Variants in MYT1L observed in about 807,000 individuals in gnomAD.
MYT1L encodes the protein myelin transcription factor 1 like, also known as myelin transcription factor 1-like protein.
MYT1L carries 12 observed loss-of-function variants against 126.7 expected under a neutral mutation model. That is an observed-to-expected ratio of 0.09 (90% CI 0.06 to 0.15). MYT1L has a LOEUF of 0.15. Ranked by LOEUF, MYT1L falls within the 10% of genes least tolerant of loss-of-function variation. The pLI is 1.00. For synonymous variants in MYT1L, 541 were observed against 604.2 expected (o/e 0.90, Z 1.53); for missense variants, 979 against 1,585.2 (o/e 0.62, Z 6.49).
intron 3 of MYT1L, among the ~76,000 whole-genome samples, chr2:2,172,572 GCA>G (rs1458389164): frequency 6.6e-6 from 1 of 152,276 alleles, no homozygotes; most frequent in African/African-American, 2.4e-5. Flanking sequence ...AATGGGACAA[GCA>G]CCAGAGGAGG....
intron 4 of MYT1L, among the ~76,000 whole-genome samples, chr2:2,007,656 T>C (rs1243947755): frequency 3.3e-5 from 5 of 152,180 alleles, no homozygotes; most frequent in African/African-American, 4.8e-5. Context: ...GCCTAGGGAA[T>C]TGTGGTCCCA....
At chr2:2,113,333 A>G (rs2079740230) in intron 3 of MYT1L, among the ~76,000 whole-genome samples, 1 of 152,198 alleles carries the variant, frequency 6.6e-6, no homozygotes, top group African/African-American at 2.4e-5. Flanking sequence ...TGTATGATCC[A>G]GGTGCAAAAA....
At position 1,831,124 on chromosome 2, in the gene MYT1L, C is replaced by A. The variant is rs1179099703; in HGVS notation, c.3080+8025G>T. Among the ~76,000 whole-genome samples, 6 of 150,076 alleles carry A rather than the reference C, an allele frequency of 4.0e-5. No individual in the cohort carries two copies. The South Asian group carries it at 1.3e-3, about 31-fold the overall frequency. On this transcript the variant is annotated intron_variant, in intron 21 of 24. Transcript: ENST00000647738. ...CCCAGACACCACCACACCCTGCAAC[C>A]CCACTCGGGTGCCCGACGCGTGTGT...
At chr2:2,145,435 C>T (rs2084740269) in intron 3 of MYT1L, among the ~76,000 whole-genome samples, 1 of 152,124 alleles carries the variant, frequency 6.6e-6, no homozygotes, top group African/African-American at 2.4e-5. Flanking sequence ...TAAAAATAGT[C>T]CTGTCTCCAT....
intron 2 of MYT1L, among the ~76,000 whole-genome samples, chr2:2,283,157 T>C (rs1012625514): frequency 5.9e-5 from 9 of 152,214 alleles, no homozygotes; most frequent in Admixed American, 5.2e-4. Context: ...AACGGCACAG[T>C]TTGACCCATG....
chr2:2,244,125 T>C (rs2094487840), intron 2 of MYT1L, among the ~76,000 whole-genome samples: 2 of 152,228 alleles, frequency 1.3e-5, no homozygotes, highest in Admixed American at 1.3e-4. Context: ...TACTCAAACT[T>C]ATCAAAAGAT....
At chr2:1,877,018 A>T (rs2046995266) in intron 18 of MYT1L, among the ~76,000 whole-genome samples, 1 of 152,156 alleles carries the variant, frequency 6.6e-6, no homozygotes, top group South Asian at 2.1e-4. Flanking sequence ...AGAACACCAC[A>T]CAGTCAGTCC....
intron 3 of MYT1L, among the ~76,000 whole-genome samples, chr2:2,125,910 G>A (rs367626977): frequency 1.3e-5 from 2 of 152,116 alleles, no homozygotes; most frequent in Non-Finnish European, 2.9e-5. Context: ...CAACAATGCC[G>A]CAATGCAAGA....
chr2:1,897,235 T>C (rs576114091), intron 14 of MYT1L, among the ~76,000 whole-genome samples: 262 of 152,286 alleles, frequency 1.7e-3, no homozygotes, highest in African/African-American at 6.0e-3. Flanking sequence ...ATTATCCCTA[T>C]TTGTAAAATG....
At chr2:2,201,065 C>T (rs143768448) in intron 2 of MYT1L, among the ~76,000 whole-genome samples, 222 of 152,324 alleles carry the variant, frequency 1.5e-3, no homozygotes, top group Non-Finnish European at 2.0e-3. Context: ...GAGTTGCATT[C>T]TACACCAGGC....
rs972962026 is a variant in MYT1L, at chr2:2,331,211, C to G, written c.-765G>C. On this transcript the variant is annotated 5_prime_UTR_variant, in exon 1 of 25. Transcript: ENST00000647738. ...GCACCCACCAACAATGAGCAAAAAACCCGGGGTGCTTCAACAAGACTGCAG... is the reference window on the plus strand; with the variant it reads ...GCACCCACCAACAATGAGCAAAAAAGCCGGGGTGCTTCAACAAGACTGCAG... 2 of 152,072 alleles carry G rather than the reference C, an allele frequency of 1.3e-5. No individual in the cohort carries two copies. The highest frequency in any genetic ancestry group is 4.8e-5 in the African/African-American group (2 of 41,474). 9.4% of individuals were successfully genotyped at this position (152,072 alleles called of 1,614,324 possible).
At chr2:1,947,200 TG>T (rs1237522239) in intron 8 of MYT1L, among the ~76,000 whole-genome samples, 1 of 152,058 alleles carries the variant, frequency 6.6e-6, no homozygotes, top group Admixed American at 6.6e-5. Flanking sequence ...GTGAGGTGAC[TG>T]GGGGTAAGGT....
At chr2:2,168,055 A>G (rs1012590880) in intron 3 of MYT1L, among the ~76,000 whole-genome samples, 8 of 152,192 alleles carry the variant, frequency 5.3e-5, no homozygotes, top group Non-Finnish European at 1.2e-4. Flanking sequence ...TTATCCCTTC[A>G]CTTGCACCTA....
intron 2 of MYT1L, among the ~76,000 whole-genome samples, chr2:2,197,175 A>G (rs1256652014): frequency 1.3e-5 from 2 of 152,174 alleles, no homozygotes; most frequent in Non-Finnish European, 1.5e-5. Context: ...TGGCTGAGAA[A>G]TAGATATCTA....
intron 1 of MYT1L, chr2:2,325,623 C>G (rs938480126): frequency 2.6e-5 from 4 of 152,208 alleles, no homozygotes; most frequent in Non-Finnish European, 5.9e-5. Context: ...CATACCGTTT[C>G]ACTCTCTGCA....
At chr2:2,137,877 G>T (rs1056236355) in intron 3 of MYT1L, among the ~76,000 whole-genome samples, 2 of 152,080 alleles carry the variant, frequency 1.3e-5, no homozygotes, top group South Asian at 2.1e-4. Flanking sequence ...CACAGCAAAA[G>T]AAACTACCAT....
Position 1,889,621 on chromosome 2 carries a change from C to T in MYT1L, c.2284-144G>A. Reference sequence around the variant, plus strand: ...GCTGCTGTTTCCTTGGCCTAAACTCCCAAGGCGGACAGGCCTTGTCTGGTG... The same window carrying T: ...GCTGCTGTTTCCTTGGCCTAAACTCTCAAGGCGGACAGGCCTTGTCTGGTG... On this transcript the variant is annotated intron_variant, in intron 15 of 24. Coordinates refer to ENST00000647738, the MANE Select transcript of MYT1L (RefSeq NM_001303052.2). This position sits in a 1 kb window ranked among gnomAD's most constrained non-coding sequence, Gnocchi z 4.1. 1.6e-6 allele frequency: 1 copy of T among 625,720 alleles called. No homozygotes were observed. Among genetic ancestry groups the T allele is most frequent in the Non-Finnish European group, 2.6e-6 (1 of 385,554 alleles). 38.8% of individuals were successfully genotyped at this position (625,720 alleles called of 1,614,324 possible).
chr2:2,310,876 A>G (rs1420718451), intron 1 of MYT1L, among the ~76,000 whole-genome samples: 2 of 152,238 alleles, frequency 1.3e-5, no homozygotes, highest in South Asian at 4.1e-4. Context: ...TGAATGAAAG[A>G]AAAATTCCAT....
chr2:2,184,216 C>T (rs190775598), intron 2 of MYT1L, among the ~76,000 whole-genome samples: 1 of 152,142 alleles, frequency 6.6e-6, no homozygotes, highest in African/African-American at 2.4e-5. Context: ...ACTAATAAAT[C>T]ATACTGTTTC....
Sources: allele counts gnomAD v4.1 joint callset (sites outside exome capture counted in the v4.1 genomes callset), GRCh38; gene constraint gnomAD v4.1.1; non-coding constraint Gnocchi (gnomAD v3.1); transcripts MANE v1.5; gene names NCBI Gene and HGNC (gene_info 2026-07-23, HGNC 2026-07-21).